Variants in EXT1 observed in about 807,000 individuals in gnomAD.
The protein encoded by EXT1 is exostosin-1.
In EXT1, 20 loss-of-function variants were observed where a neutral mutation model predicts 82.5. That is an observed-to-expected ratio of 0.24 (90% CI 0.17 to 0.35). EXT1 has a LOEUF of 0.35. EXT1 is among the 10% of genes least tolerant of loss of function. The probability of loss-of-function intolerance (pLI) is 1.00; values close to 1 mark genes in which losing one functional copy is unlikely to be tolerated. For missense variants in EXT1, 757 were observed against 936.5 expected (o/e 0.81, Z 2.50); for synonymous variants, 348 against 350.8 (o/e 0.99, Z 0.09).
chr8:117,892,239 C>T, intron 1 of EXT1, among the ~76,000 whole-genome samples: 1 of 152,214 alleles, frequency 6.6e-6, no homozygotes. Context: ...CCCAGAACTA[C>T]ACAGGCCACT....
intron 1 of EXT1, among the ~76,000 whole-genome samples, chr8:117,942,973 C>T (rs1814318524): frequency 6.6e-6 from 1 of 152,186 alleles, no homozygotes; most frequent in Admixed American, 6.5e-5. Flanking sequence ...GGGCTAGAAA[C>T]TCTCAAACGT....
chr8:117,826,222 A>C (rs2129759432), intron 4 of EXT1, among the ~76,000 whole-genome samples: 1 of 152,348 alleles, frequency 6.6e-6, no homozygotes, highest in East Asian at 1.9e-4. Flanking sequence ...ACGTACTAAC[A>C]ACCTGACCCT....
intron 4 of EXT1, among the ~76,000 whole-genome samples, chr8:117,828,728 T>C (rs1300182751): frequency 1.3e-5 from 2 of 152,132 alleles, no homozygotes; most frequent in Non-Finnish European, 2.9e-5. Context: ...AGGAAGCCCT[T>C]GGAAGTCATT....
chr8:118,053,789 T>G (rs1023229994), intron 1 of EXT1, among the ~76,000 whole-genome samples: 2 of 152,200 alleles, frequency 1.3e-5, no homozygotes, highest in Admixed American at 1.3e-4. Context: ...TTGCTGTCAA[T>G]GCTCTGAACC....
At chr8:118,075,548 T>C (rs184725154) in intron 1 of EXT1, among the ~76,000 whole-genome samples, 10 of 152,310 alleles carry the variant, frequency 6.6e-5, no homozygotes, top group African/African-American at 2.2e-4. Flanking sequence ...CAGTGGGTCA[T>C]TGTTCTGGGT....
intron 1 of EXT1, among the ~76,000 whole-genome samples, chr8:117,873,733 G>A (rs1812917883): frequency 6.6e-6 from 1 of 152,126 alleles, no homozygotes; most frequent in South Asian, 2.1e-4. Flanking sequence ...TGGGATTACA[G>A]GCATGAGCCA....
At chr8:117,946,418 T>C (rs1430979162) in intron 1 of EXT1, among the ~76,000 whole-genome samples, 1 of 152,128 alleles carries the variant, frequency 6.6e-6, no homozygotes, top group Non-Finnish European at 1.5e-5. Flanking sequence ...GCAAAGCACT[T>C]AGTGCACAGT....
chr8:117,807,449 C>G, intron 8 of EXT1, 72 bp from the exon 9 acceptor site: 3 of 1,550,154 alleles, frequency 1.9e-6, no homozygotes, highest in Non-Finnish European at 2.7e-6. Flanking sequence ...TACCTTCTCC[C>G]CACTAATTCA....
chr8:117,858,712 AGAAGGAAGGAAGGAAGGAAGGAAGGAAG>A (rs564611274), intron 1 of EXT1, among the ~76,000 whole-genome samples: 13 of 66,178 alleles, frequency 2.0e-4, no homozygotes, highest in Admixed American at 1.6e-4. Context: ...AAGAAAAGAA[AGAAGGAAGGAAGGAAGGAAGGAAGGAAG>A]GAAGGAAGGA....
At chr8:118,102,740 G>T (rs537194631) in intron 1 of EXT1, among the ~76,000 whole-genome samples, 1 of 152,182 alleles carries the variant, frequency 6.6e-6, no homozygotes, top group Non-Finnish European at 1.5e-5. Flanking sequence ...ACCAATAGTG[G>T]CTAACACTTA....
At chr8:117,887,355 T>C (rs1426061338) in intron 1 of EXT1, among the ~76,000 whole-genome samples, 1 of 152,150 alleles carries the variant, frequency 6.6e-6, no homozygotes, top group Non-Finnish European at 1.5e-5. Flanking sequence ...TCTTCAACCC[T>C]TTTTTCTTTT....
At chr8:118,035,569 T>C (rs1816404365) in intron 1 of EXT1, among the ~76,000 whole-genome samples, 3 of 151,946 alleles carry the variant, frequency 2.0e-5, no homozygotes, top group African/African-American at 7.2e-5. Context: ...ATGAATAATT[T>C]TACATGTAAG....
intron 1 of EXT1, among the ~76,000 whole-genome samples, chr8:118,107,079 A>C (rs1168833139): frequency 9.2e-5 from 14 of 152,224 alleles, no homozygotes; most frequent in Admixed American, 9.2e-4. Context: ...TTGCTCTTTT[A>C]GCACTAAATT....
intron 1 of EXT1, among the ~76,000 whole-genome samples, chr8:117,978,360 G>A (rs1023568041): frequency 6.6e-6 from 1 of 152,174 alleles, no homozygotes; most frequent in African/African-American, 2.4e-5. Context: ...AATAGAAACT[G>A]AGTAATAAGT....
intron 1 of EXT1, among the ~76,000 whole-genome samples, chr8:118,009,152 T>G (rs1319852963): frequency 6.6e-6 from 1 of 152,172 alleles, no homozygotes; most frequent in Non-Finnish European, 1.5e-5. Flanking sequence ...CAATAGGGAC[T>G]TGAGAAGTCT....
chr8:117,971,193 C>A (rs1289746756), intron 1 of EXT1, among the ~76,000 whole-genome samples: 1 of 152,160 alleles, frequency 6.6e-6, no homozygotes, highest in South Asian at 2.1e-4. Flanking sequence ...AGGGAGTGGA[C>A]TGCAACCACC....
At chr8:117,851,130 G>A (rs192276297) in intron 1 of EXT1, among the ~76,000 whole-genome samples, 1 of 152,202 alleles carries the variant, frequency 6.6e-6, no homozygotes, top group Admixed American at 6.5e-5. Flanking sequence ...TAACAAGGGA[G>A]GGAATCATAA....
In EXT1 at chr8:117,799,355, C is replaced by G. The variant is rs1194403108; in HGVS notation, c.*357G>C. Reference sequence around the variant, plus strand: ...ATAGCAGCTTTGAAATATTCACAACCAACACAATTTTGATTAAACAAAGAA... The same window carrying G: ...ATAGCAGCTTTGAAATATTCACAACGAACACAATTTTGATTAAACAAAGAA... On this transcript the variant is annotated 3_prime_UTR_variant, in exon 11 of 11. Transcript: ENST00000378204. The G allele has an allele frequency of 6.8e-6, 2 of 293,438 alleles. No homozygotes were observed. The highest frequency in any genetic ancestry group is 6.5e-6 in the Non-Finnish European group (1 of 153,600). 18.2% of individuals were successfully genotyped at this position (293,438 alleles called of 1,614,324 possible).
chr8:118,002,827 C>T (rs954610926), intron 1 of EXT1, among the ~76,000 whole-genome samples: 52 of 152,030 alleles, frequency 3.4e-4, no homozygotes, highest in African/African-American at 1.2e-3. Context: ...CCACTGCACC[C>T]GGCCTGGAGA....
Sources: allele counts gnomAD v4.1 joint callset (sites outside exome capture counted in the v4.1 genomes callset), GRCh38; gene constraint gnomAD v4.1.1; transcripts MANE v1.5; gene names NCBI Gene and HGNC (gene_info 2026-07-23, HGNC 2026-07-21).